The following PPL variants were observed in gnomAD, a reference collection of about 807,000 sequenced individuals.
PPL encodes 190 kDa paraneoplastic pemphigus antigen.
In PPL, 198 loss-of-function variants were observed where a neutral mutation model predicts 194.4. The observed-to-expected ratio is 1.02, with a 90% CI of 0.91 to 1.15. The LOEUF is 1.15. Ranked by LOEUF, PPL falls within the 50% of genes most tolerant of loss-of-function variation. PPL has a pLI of 0.00. For synonymous variants in PPL, 1,220 were observed against 972.4 expected, an observed-to-expected ratio of 1.25 and a Z score of -4.74; for missense variants, 2,885 against 2,294.8, an observed-to-expected ratio of 1.26 and a Z score of -5.25.
chr16:4,893,568 C>T lies in PPL; in HGVS notation c.1465G>A (p.Glu489Lys), dbSNP rs1596549946. The change falls in exon 13 of 22, where the codon GAG becomes AAG. Residue 489 changes from glutamate (E) to lysine (K), a missense_variant. Glu to Lys is a moderately conservative substitution (Grantham distance 56). Coordinates refer to ENST00000345988, the MANE Select transcript of PPL (RefSeq NM_002705.5). ...GSKRTLQQRYEVLKTENPGDA... is the reference protein window; with the variant it reads ...GSKRTLQQRYKVLKTENPGDA... ...CCGGGATTCTCGGTCTTCAGCACCT[C>T]ATACCGCTGCTGCAGCGTGCGTTTG... 2.5e-6 allele frequency: 4 copies of T among 1,612,374 alleles called. No individual in the cohort carries two copies. The highest frequency in any genetic ancestry group is 1.1e-5 in the South Asian group (1 of 90,982).
intron 18 of PPL, 22 bp downstream of exon 18, chr16:4,890,162 G>C (rs201300186): frequency 6.2e-7 from 1 of 1,613,956 alleles, no homozygotes; most frequent in East Asian, 2.2e-5. Flanking sequence ...TGTGCCTGGG[G>C]CTGCGGAAAC....
chr16:4,903,652 A>T (rs1440882774), intron 3 of PPL, among the ~76,000 whole-genome samples: 1 of 151,966 alleles, frequency 6.6e-6, no homozygotes, highest in African/African-American at 2.4e-5. Context: ...CTGGGGAGGC[A>T]GAGATTGCGC....
In PPL at chr16:4,885,241, C is replaced by G. The variant is rs151203356; in HGVS notation, c.3414G>C (p.Glu1138Asp). The G allele has an allele frequency of 1.9e-6, 3 of 1,613,714 alleles. No homozygotes were observed. The highest frequency in any genetic ancestry group is 2.5e-6 in the Non-Finnish European group (3 of 1,180,040). Reference protein sequence around the residue: ...REVSDLTRQYEDEAAKARASQ... With the variant: ...REVSDLTRQYDDEAAKARASQ... ...TAGCGCGAGCCTTGGCAGCCTCGTC[C>G]TCATATTGGCGGGTGAGATCGCTGA... The change falls in exon 22 of 22, where the codon GAG becomes GAC. Residue 1138 changes from glutamate to aspartate, a missense_variant. Physicochemically the swap from Glu to Asp is conservative, Grantham distance 45. Transcript: ENST00000345988. The surrounding 1 kb of genome is among the most constrained non-coding windows in gnomAD (Gnocchi z 6.3).
chr16:4,920,335 G>GAAAGAA (rs200882146), intron 1 of PPL, among the ~76,000 whole-genome samples: 22 of 58,164 alleles, frequency 3.8e-4, no homozygotes, highest in African/African-American at 7.2e-4. Flanking sequence ...AAGAAAGAAA[G>GAAAGAA]AGAGAGAGAG....
Position 4,890,193 on chromosome 16 carries a change from C to A in PPL, c.2304G>T (p.Lys768Asn). 6.2e-7 allele frequency: 1 copy of A among 1,614,186 alleles called. No individual in the cohort carries two copies. The highest frequency in any genetic ancestry group is 8.5e-7 in the Non-Finnish European group (1 of 1,180,036). The change falls in exon 18 of 22, where the codon AAG becomes AAT. Residue 768 changes from lysine (K) to asparagine (N), a missense_variant. By Grantham distance (94) the Lys-to-Asn change is moderately conservative. Coordinates refer to ENST00000345988, the MANE Select transcript of PPL (RefSeq NM_002705.5). ...DSLSQMETKL[K>N]NQKNLLDEIA... Reference sequence around the variant, plus strand: ...GAAACGGCCATCTCACCTTCTGGTTCTTCAGCTTGGTCTCCATCTGGCTGA... The same window carrying A: ...GAAACGGCCATCTCACCTTCTGGTTATTCAGCTTGGTCTCCATCTGGCTGA...
intron 14 of PPL, among the ~76,000 whole-genome samples, chr16:4,892,468 T>C (rs1210105278): frequency 6.6e-6 from 1 of 152,246 alleles, no homozygotes; most frequent in East Asian, 1.9e-4. Flanking sequence ...GGGCCTGTGC[T>C]GTCCTCAGCA....
Position 4,884,651 on chromosome 16 carries a change from T to C in PPL, c.4004A>G (p.Gln1335Arg), listed in dbSNP as rs894978555. The change falls in exon 22 of 22, where the codon CAG becomes CGG. Residue 1335 changes from glutamine to arginine, a missense_variant. Coordinates refer to ENST00000345988, the MANE Select transcript of PPL (RefSeq NM_002705.5). This position sits in a 1 kb window ranked among gnomAD's most constrained non-coding sequence, Gnocchi z 5.7. Reference sequence around the variant, plus strand: ...GAGCTCCTCCTCTTTCCGGGCGATCTGCTCTTCCTGGGAAGCTCTTTCCCT... The same window carrying C: ...GAGCTCCTCCTCTTTCCGGGCGATCCGCTCTTCCTGGGAAGCTCTTTCCCT... ...LERERASQEE[Q>R]IARKEEELSR... is the part of the protein sequence containing the mutation. 5 of 1,614,066 alleles carry C rather than the reference T, an allele frequency of 3.1e-6. No individual in the cohort carries two copies. In the African/African-American group the frequency reaches 6.7e-5, roughly 22 times the overall value.
At chr16:4,891,554 C>G (rs2088319611) in intron 16 of PPL, 1 of 367,036 alleles carries the variant, frequency 2.7e-6, no homozygotes, top group African/African-American at 2.2e-5. Flanking sequence ...GCTGGTGTTA[C>G]AGGCATGTGC....
intron 2 of PPL, among the ~76,000 whole-genome samples, chr16:4,908,441 T>TCA (rs1204221727): frequency 5.4e-5 from 7 of 129,564 alleles, no homozygotes; most frequent in African/African-American, 2.0e-4. Context: ...TCTCTCTCTC[T>TCA]CTCTCACACA....
chr16:4,918,619 T>A (rs541579254), intron 1 of PPL, among the ~76,000 whole-genome samples: 10 of 152,130 alleles, frequency 6.6e-5, no homozygotes, highest in Non-Finnish European at 1.0e-4. Flanking sequence ...ATGGGGAAAT[T>A]GAGGTACAAA....
rs1437836974 is a variant in PPL, at chr16:4,902,291, G to A, written c.438+115C>T. On this transcript the variant is annotated intron_variant, in intron 4 of 21. Transcript: ENST00000345988. The surrounding 1 kb of genome is among the most constrained non-coding windows in gnomAD (Gnocchi z 4.0). ...CACACTGGAAAACCATCAGGACCAC[G>A]ACTGTCTCCCTGGTAAGACCCGGGA... is the stretch of plus-strand genomic sequence containing the variant. 3.4e-6 allele frequency: 5 copies of A among 1,488,564 alleles called. No homozygotes were observed. Among genetic ancestry groups the A allele is most frequent in the African/African-American group, 1.4e-5 (1 of 71,878 alleles). 92.2% of individuals were successfully genotyped at this position (1,488,564 alleles called of 1,614,324 possible).
rs1049246551 is a variant in PPL, at chr16:4,890,815, T to C, written c.2075A>G (p.Glu692Gly). 8.2e-6 allele frequency: 13 copies of C among 1,594,382 alleles called. No individual in the cohort carries two copies. The Middle Eastern group carries it at 4.9e-4, about 61-fold the overall frequency. ...CTGGCGCTCCAGGTCCGGACAGTGC[T>C]CCTGGAAGCGGCTGGCCAGTGTGCT... ...CSSTLASRFQEHCPDLERQEA... is the reference protein window; with the variant it reads ...CSSTLASRFQGHCPDLERQEA... Residue 692 changes from glutamate to glycine, a missense_variant, in exon 17 of 22, where the codon GAG becomes GGG. Physicochemically the swap from Glu to Gly is moderately conservative, Grantham distance 98. Transcript: ENST00000345988.
chr16:4,935,250 C>A (rs940676406), intron 1 of PPL, among the ~76,000 whole-genome samples: 1 of 152,126 alleles, frequency 6.6e-6, no homozygotes. Flanking sequence ...TTCATTAGAA[C>A]CTTTTGTTAG....
Position 4,899,133 on chromosome 16 carries a change from G to A in PPL, c.769-13C>T. 1 of 1,613,460 alleles carries A rather than the reference G, an allele frequency of 6.2e-7. No homozygotes were observed. The highest frequency in any genetic ancestry group is 8.5e-7 in the Non-Finnish European group (1 of 1,179,668). On this transcript the variant is annotated splice_polypyrimidine_tract_variant and intron_variant, in intron 7 of 21. Coordinates refer to ENST00000345988, the MANE Select transcript of PPL (RefSeq NM_002705.5). ...GGTTGATGAAATTCTGCAGTGGGGG[G>A]CAGTGGAGGGGCCTCAGTGCCCAGC... is the stretch of plus-strand genomic sequence containing the variant.
chr16:4,897,814 C>T (rs1477049682), intron 8 of PPL, 44 bp from the exon 9 acceptor site: 3 of 1,519,184 alleles, frequency 2.0e-6, no homozygotes, highest in East Asian at 2.3e-5. Context: ...GCAGGTACTG[C>T]AGACACCAAG....
intron 6 of PPL, among the ~76,000 whole-genome samples, chr16:4,899,966 C>G (rs2088525601): frequency 6.6e-6 from 1 of 152,134 alleles, no homozygotes; most frequent in South Asian, 2.1e-4. Context: ...AACATTGACT[C>G]ATTTCATCCT....
rs553610995 is a variant in PPL, at chr16:4,920,081, C to T, written c.63-9132G>A. On this transcript the variant is annotated intron_variant, in intron 1 of 21. Transcript: ENST00000345988. ...CAGGTGGATCACGAGGTCAGGAGAT[C>T]GAGATCATCCTGGCCAACCTGGTGA... Among the ~76,000 whole-genome samples the T allele has an allele frequency of 1.5e-4, 22 of 151,564 alleles. No homozygotes were observed. In the South Asian group the frequency reaches 3.1e-3, roughly 22 times the overall value.
At chr16:4,894,395 G>A in intron 12 of PPL, 72 bp downstream of exon 12, 1 of 1,564,656 alleles carries the variant, frequency 6.4e-7, no homozygotes, top group Non-Finnish European at 8.7e-7. Flanking sequence ...AAATCCCCGG[G>A]GCTATGAATG....
intron 1 of PPL, among the ~76,000 whole-genome samples, chr16:4,933,175 A>G (rs1055287778): frequency 1.3e-5 from 2 of 151,786 alleles, no homozygotes; most frequent in Admixed American, 1.3e-4. Context: ...CTAATAAAAC[A>G]CTGTGTTCTT....
Sources: gnomAD v4.1 joint callset for allele counts (sites outside exome capture counted in the v4.1 genomes callset) on GRCh38, gnomAD v4.1.1 for gene constraint, Gnocchi (gnomAD v3.1) non-coding constraint, MANE v1.5 for transcripts, NCBI Gene and HGNC (gene_info 2026-07-23, HGNC 2026-07-21) for gene names.